The following SLC4A10 variants were observed in gnomAD, a reference collection of about 807,000 sequenced individuals.
SLC4A10 encodes the protein sodium-driven chloride bicarbonate exchanger.
Under a neutral mutation model 137.7 loss-of-function variants are expected in SLC4A10, and 42 were observed. The ratio of observed to expected loss-of-function variants is 0.30; its 90% CI spans 0.24 to 0.39. The LOEUF (loss-of-function observed/expected upper bound fraction) is 0.39. Ranked by LOEUF, SLC4A10 falls within the 10% of genes least tolerant of loss-of-function variation. The pLI is 1.00. For synonymous variants in SLC4A10, 474 were observed against 464.1 expected (o/e 1.02, Z -0.27); for missense variants, 925 against 1,355.0 (o/e 0.68, Z 4.98).
chr2:161,753,452 G>A (rs547865885), intron 1 of SLC4A10, among the ~76,000 whole-genome samples: 2 of 152,292 alleles, frequency 1.3e-5, no homozygotes, highest in South Asian at 4.1e-4. Context: ...GGGTTTTGGA[G>A]TTAGGCAGAT....
chr2:161,956,470 A>G (rs1695691667), intron 19 of SLC4A10, among the ~76,000 whole-genome samples: 1 of 152,120 alleles, frequency 6.6e-6, no homozygotes, highest in Non-Finnish European at 1.5e-5. Context: ...CCTGCAGGGT[A>G]TGGAGGGAGT....
At chr2:161,681,144 C>G (rs2040809750) in intron 1 of SLC4A10, among the ~76,000 whole-genome samples, 1 of 152,176 alleles carries the variant, frequency 6.6e-6, no homozygotes, top group East Asian at 1.9e-4. Flanking sequence ...TTATCACTTA[C>G]TATCCACCTG....
At chr2:161,660,602 T>G (rs1482829429) in intron 1 of SLC4A10, among the ~76,000 whole-genome samples, 1 of 149,424 alleles carries the variant, frequency 6.7e-6, no homozygotes, top group Non-Finnish European at 1.5e-5. Context: ...CTTTCTTTCT[T>G]TCTTTCTTTC....
At chr2:161,684,201 G>A (rs2041158492) in intron 1 of SLC4A10, among the ~76,000 whole-genome samples, 1 of 152,132 alleles carries the variant, frequency 6.6e-6, no homozygotes, top group South Asian at 2.1e-4. Flanking sequence ...TATTCATGTT[G>A]TAGCATGTAT....
intron 3 of SLC4A10, among the ~76,000 whole-genome samples, chr2:161,819,419 G>A (rs1448591693): frequency 2.0e-5 from 3 of 151,938 alleles, no homozygotes; most frequent in African/African-American, 7.3e-5. Flanking sequence ...ATATTAATTT[G>A]TTTAGATGAA....
At chr2:161,969,923 C>T (rs1490096202) in intron 23 of SLC4A10, among the ~76,000 whole-genome samples, 1 of 152,144 alleles carries the variant, frequency 6.6e-6, no homozygotes, top group Admixed American at 6.5e-5. Flanking sequence ...GTGGGGCAAG[C>T]ATATTCTTCT....
At chr2:161,982,929 A>C (rs1006404975) in intron 26 of SLC4A10, among the ~76,000 whole-genome samples, 2 of 152,328 alleles carry the variant, frequency 1.3e-5, no homozygotes, top group African/African-American at 4.8e-5. Context: ...AACTGTTTAA[A>C]AAATGTCTGA....
intron 1 of SLC4A10, among the ~76,000 whole-genome samples, chr2:161,745,893 T>C (rs1452045607): frequency 6.6e-6 from 1 of 151,952 alleles, no homozygotes; most frequent in Non-Finnish European, 1.5e-5. Context: ...CCAGGCAGAG[T>C]CTCTTGTTCT....
At chr2:161,777,579 T>C (rs970338586) in intron 2 of SLC4A10, among the ~76,000 whole-genome samples, 2 of 151,944 alleles carry the variant, frequency 1.3e-5, no homozygotes, top group Non-Finnish European at 2.9e-5. Context: ...CTCACAATCA[T>C]GGAAGGCAAG....
chr2:161,777,338 T>C (rs2052472511), intron 2 of SLC4A10, among the ~76,000 whole-genome samples: 1 of 151,958 alleles, frequency 6.6e-6, no homozygotes, highest in African/African-American at 2.4e-5. Context: ...TGTCCTTTGA[T>C]GCACAGACAT....
intron 1 of SLC4A10, among the ~76,000 whole-genome samples, chr2:161,767,135 ATATATGTG>A (rs1226751089): frequency 1.0e-4 from 9 of 89,516 alleles, no homozygotes; most frequent in African/African-American, 1.5e-4. Context: ...ATATATATAT[ATATATGTG>A]TGTGTGTGTG....
intron 1 of SLC4A10, chr2:161,708,919 TA>T (rs2043980271): frequency 8.8e-6 from 12 of 1,362,248 alleles, no homozygotes; most frequent in Non-Finnish European, 1.2e-5. Context: ...TTCATTAATG[TA>T]ATTGTTTATT....
chr2:161,773,312 T>C (rs1168796551), intron 2 of SLC4A10, among the ~76,000 whole-genome samples: 2 of 151,752 alleles, frequency 1.3e-5, no homozygotes, highest in African/African-American at 2.4e-5. Flanking sequence ...ATACTTCCCA[T>C]TGGGCCCCAC....
At chr2:161,814,411 C>CA (rs2125652748) in intron 3 of SLC4A10, among the ~76,000 whole-genome samples, 1 of 152,226 alleles carries the variant, frequency 6.6e-6, no homozygotes, top group South Asian at 2.1e-4. Context: ...ATTGACCCAG[C>CA]AATGTCATTA....
At chr2:161,922,545 T>C (rs184003734) in intron 15 of SLC4A10, among the ~76,000 whole-genome samples, 1 of 152,074 alleles carries the variant, frequency 6.6e-6, no homozygotes, top group African/African-American at 2.4e-5. Flanking sequence ...TGAAGGGTAA[T>C]GTAGCAATAG....
intron 15 of SLC4A10, among the ~76,000 whole-genome samples, chr2:161,908,335 G>C (rs1684938990): frequency 6.7e-6 from 1 of 148,158 alleles, no homozygotes; most frequent in South Asian, 2.1e-4. Flanking sequence ...CTATTGCAAG[G>C]ACAAAAAACC....
At position 161,950,672 on chromosome 2, in the gene SLC4A10, C is replaced by A; in HGVS notation, c.2380-15C>A. On this transcript the variant is annotated splice_polypyrimidine_tract_variant and intron_variant, in intron 18 of 26. Coordinates refer to ENST00000446997, the MANE Select transcript of SLC4A10 (RefSeq NM_001178015.2). ...AATCCAGTTCATAACTATGCACATT[C>A]TTTACTTTATACAGCCCACTAGAGA... 6.4e-7 allele frequency: 1 copy of A among 1,570,578 alleles called. No homozygotes were observed. Among genetic ancestry groups the A allele is most frequent in the Non-Finnish European group, 8.7e-7 (1 of 1,155,998 alleles).
chr2:161,943,989 TCTTGAC>T, intron 16 of SLC4A10, among the ~76,000 whole-genome samples: 1 of 152,052 alleles, frequency 6.6e-6, no homozygotes, highest in South Asian at 2.1e-4. Flanking sequence ...TAAAATTCTA[TCTTGAC>T]CTATATTTTA....
At chr2:161,708,655 C>G in intron 1 of SLC4A10, 1 of 1,481,034 alleles carries the variant, frequency 6.8e-7, no homozygotes, top group South Asian at 1.4e-5. Flanking sequence ...TAAACAGATA[C>G]TGATGGACAG....
Sources: gnomAD v4.1 joint callset for allele counts (sites outside exome capture counted in the v4.1 genomes callset) on GRCh38, gnomAD v4.1.1 for gene constraint, MANE v1.5 for transcripts, NCBI Gene and HGNC (gene_info 2026-07-23, HGNC 2026-07-21) for gene names.